The following LRRIQ1 variants were observed in gnomAD, a reference collection of about 807,000 sequenced individuals.
LRRIQ1 encodes the protein leucine-rich repeat- and IQ domain-containing protein 1.
LRRIQ1 carries 210 observed loss-of-function variants against 211.9 expected under a neutral mutation model. The ratio of observed to expected loss-of-function variants is 0.99; its 90% CI spans 0.89 to 1.11. The LOEUF is 1.11. LRRIQ1 is among the 50% of genes most tolerant of loss of function. The pLI is 0.00. For missense variants in LRRIQ1, 2,136 were observed against 1,939.5 expected, an observed-to-expected ratio of 1.10 and a Z score of -1.90; for synonymous variants, 699 against 650.1, an observed-to-expected ratio of 1.08 and a Z score of -1.14.
chr12:85,217,520 G>A (rs1196142442), intron 24 of LRRIQ1, among the ~76,000 whole-genome samples: 980 of 92,788 alleles, frequency 0.011, 50 homozygotes, highest in African/African-American at 0.081. Flanking sequence ...GTGTGTGTGT[G>A]TGTGTGTGTG....
intron 24 of LRRIQ1, among the ~76,000 whole-genome samples, chr12:85,201,651 G>T (rs1439319485): frequency 6.6e-6 from 1 of 152,034 alleles, no homozygotes; most frequent in East Asian, 1.9e-4. Flanking sequence ...CGTCATTACT[G>T]ATTGTGTTTG....
chr12:85,117,749 G>A (rs1432710019), intron 15 of LRRIQ1, among the ~76,000 whole-genome samples: 2 of 152,118 alleles, frequency 1.3e-5, no homozygotes, highest in African/African-American at 4.8e-5. Context: ...TTTTGATACT[G>A]GTTGAAGAGA....
intron 24 of LRRIQ1, among the ~76,000 whole-genome samples, chr12:85,177,370 A>T (rs563280904): frequency 1.4e-4 from 21 of 152,240 alleles, no homozygotes; most frequent in African/African-American, 4.3e-4. Context: ...AGTGTATAAC[A>T]CAAATGAGTA....
chr12:85,154,131 T>C, intron 23 of LRRIQ1, 37 bp downstream of exon 23: 1 of 1,172,798 alleles, frequency 8.5e-7, no homozygotes, highest in Non-Finnish European at 1.2e-6. Flanking sequence ...TAACTGTGTA[T>C]GGAAAATTGA....
downstream of LRRIQ1, among the ~76,000 whole-genome samples, chr12:85,266,425 A>C (rs1896421597): frequency 6.6e-6 from 1 of 152,150 alleles, no homozygotes; most frequent in Non-Finnish European, 1.5e-5. Flanking sequence ...AACTTCCAAG[A>C]ATCATATGAT....
intron 24 of LRRIQ1, among the ~76,000 whole-genome samples, chr12:85,177,248 G>A (rs745754253): frequency 4.6e-5 from 7 of 152,020 alleles, no homozygotes; most frequent in Non-Finnish European, 7.4e-5. Context: ...TTGGCATTGC[G>A]GAAAAAGATG....
rs200738528 is a variant in LRRIQ1, at chr12:85,182,562, TA to T, written c.4822+21854del. 7.2e-3 allele frequency among the ~76,000 whole-genome samples: 1,098 copies of T among 152,248 alleles called. 18 individuals are homozygous for T. Among genetic ancestry groups the T allele is most frequent in the African/African-American group, 0.025 (1,029 of 41,554 alleles). On this transcript the variant is annotated intron_variant, in intron 24 of 26. Coordinates refer to ENST00000393217, the MANE Select transcript of LRRIQ1 (RefSeq NM_001079910.2). ...TATCTTGAGATGTGATGAAATGCTT[TA>T]AAAAATTATATCATAAAAGAGAAAC...
intron 24 of LRRIQ1, among the ~76,000 whole-genome samples, chr12:85,200,367 G>T (rs1893228844): frequency 1.3e-5 from 2 of 152,048 alleles, no homozygotes; most frequent in Admixed American, 6.5e-5. Flanking sequence ...GGAGCTTTTG[G>T]GCGAGATTCT....
At chr12:85,138,554 A>G (rs182092720) in intron 19 of LRRIQ1, among the ~76,000 whole-genome samples, 113 of 151,640 alleles carry the variant, frequency 7.5e-4, no homozygotes, top group African/African-American at 2.6e-3. Flanking sequence ...GTATCACTGC[A>G]GGAAGGTGAT....
intron 19 of LRRIQ1, among the ~76,000 whole-genome samples, chr12:85,142,565 CCTCT>C (rs1225819677): frequency 2.6e-5 from 4 of 151,422 alleles, no homozygotes; most frequent in Non-Finnish European, 3.0e-5. Flanking sequence ...ACTTATTCCT[CCTCT>C]CTAAGTGAAA....
chr12:85,169,160 A>C (rs1891290610), intron 24 of LRRIQ1, among the ~76,000 whole-genome samples: 1 of 152,216 alleles, frequency 6.6e-6, no homozygotes, highest in Non-Finnish European at 1.5e-5. Flanking sequence ...ACAAAACTTC[A>C]TTCCTTTTGG....
chr12:85,101,245 G>T (rs1195109451), intron 13 of LRRIQ1, among the ~76,000 whole-genome samples: 1 of 151,670 alleles, frequency 6.6e-6, no homozygotes, highest in Non-Finnish European at 1.5e-5. Context: ...CCAACAAATG[G>T]AATACATATA....
chr12:85,130,876 C>A (rs1888700967), intron 18 of LRRIQ1, among the ~76,000 whole-genome samples: 1 of 152,138 alleles, frequency 6.6e-6, no homozygotes, highest in South Asian at 2.1e-4. Flanking sequence ...GATTTCCAAG[C>A]TTTCCTTGCA....
intron 26 of LRRIQ1, among the ~76,000 whole-genome samples, chr12:85,237,576 C>G (rs965209584): frequency 6.6e-6 from 1 of 152,012 alleles, no homozygotes; most frequent in Non-Finnish European, 1.5e-5. Flanking sequence ...AAAAGAGACT[C>G]TAGAGACCAA....
intron 24 of LRRIQ1, among the ~76,000 whole-genome samples, chr12:85,169,415 T>C (rs1336009742): frequency 6.6e-6 from 1 of 152,194 alleles, no homozygotes; most frequent in South Asian, 2.1e-4. Context: ...GCTCTTGATA[T>C]AATTAAGTAT....
chr12:85,242,010 G>A (rs1435500874), intron 26 of LRRIQ1, among the ~76,000 whole-genome samples: 1 of 152,086 alleles, frequency 6.6e-6, no homozygotes, highest in South Asian at 2.1e-4. Flanking sequence ...GGGCGGAAGT[G>A]GGGAGAGCGG....
chr12:85,043,190 T>G (rs1303346365), intron 3 of LRRIQ1, among the ~76,000 whole-genome samples: 9 of 152,106 alleles, frequency 5.9e-5, no homozygotes, highest in Admixed American at 3.9e-4. Flanking sequence ...AAATAATTTA[T>G]TACTATATCT....
At chr12:85,114,478 T>C (rs191528975) in intron 15 of LRRIQ1, among the ~76,000 whole-genome samples, 8 of 152,308 alleles carry the variant, frequency 5.3e-5, no homozygotes. Flanking sequence ...AATCTTTCAA[T>C]GTATTTTTTA....
intron 15 of LRRIQ1, among the ~76,000 whole-genome samples, chr12:85,116,181 C>A (rs1273007909): frequency 6.6e-6 from 1 of 152,168 alleles, no homozygotes; most frequent in Non-Finnish European, 1.5e-5. Flanking sequence ...CTCGCTCTGT[C>A]GCCCAGGCTG....
Sources: allele counts gnomAD v4.1 joint callset (sites outside exome capture counted in the v4.1 genomes callset), GRCh38; gene constraint gnomAD v4.1.1; transcripts MANE v1.5; gene names NCBI Gene and HGNC (gene_info 2026-07-23, HGNC 2026-07-21).